Variants in RFC1 observed in about 807,000 individuals in gnomAD.
RFC1 encodes replication factor C subunit 1.
RFC1 carries 37 observed loss-of-function variants against 137.4 expected under a neutral mutation model. The ratio of observed to expected loss-of-function variants is 0.27; its 90% CI spans 0.21 to 0.35. The LOEUF is 0.35. Ranked by LOEUF, RFC1 falls within the 10% of genes least tolerant of loss-of-function variation. The pLI is 1.00. For missense variants in RFC1, 1,205 were observed against 1,358.5 expected (o/e 0.89, Z 1.78); for synonymous variants, 429 against 455.7 (o/e 0.94, Z 0.75).
intron 1 of RFC1, among the ~76,000 whole-genome samples, chr4:39,357,587 T>C (rs1211398817): frequency 6.6e-6 from 1 of 152,072 alleles, no homozygotes; most frequent in Non-Finnish European, 1.5e-5. Context: ...TGTACTCCGA[T>C]TATGGTTTTT....
chr4:39,290,398 T>C (rs1737607543), intron 23 of RFC1, among the ~76,000 whole-genome samples: 1 of 150,932 alleles, frequency 6.6e-6, no homozygotes, highest in Non-Finnish European at 1.5e-5. Context: ...CGTATATATA[T>C]ATTTGGGAAC....
Position 39,312,826 on chromosome 4 carries a change from C to A in RFC1, c.1309G>T (p.Val437Leu). The A allele has an allele frequency of 6.2e-7, 1 of 1,614,128 alleles. No individual in the cohort carries two copies. The highest frequency in any genetic ancestry group is 1.6e-4 in the Middle Eastern group (1 of 6,062). The change falls in exon 11 of 25, where the codon GTA (valine) becomes TTA (leucine). Residue 437 changes from valine to leucine, a missense_variant. Around this residue, in one of 3 missense-constraint regions of RFC1, gnomAD observed 962 missense variants for 1,035.3 expected, o/e 0.93. Coordinates refer to ENST00000349703, the MANE Select transcript of RFC1 (RefSeq NM_002913.5). ...GTTTTCTTGCTGACATTTCCTGTTA[C>A]TTTTCCCCCATAACGTTCAATTAGA... ...KSLIERYGGKVTGNVSKKTNY... is the reference protein window; with the variant it reads ...KSLIERYGGKLTGNVSKKTNY...
chr4:39,321,254 G>C, intron 8 of RFC1, 33 bp downstream of exon 8: 1 of 1,482,776 alleles, frequency 6.7e-7, no homozygotes, highest in South Asian at 1.2e-5. Context: ...ATGAAGACAA[G>C]TGCTCCATCT....
At chr4:39,343,445 T>C (rs1481429757) in intron 3 of RFC1, among the ~76,000 whole-genome samples, 1 of 152,242 alleles carries the variant, frequency 6.6e-6, no homozygotes, top group African/African-American at 2.4e-5. Flanking sequence ...GGATATCTTT[T>C]GGGGGCATTA....
At position 39,309,021 on chromosome 4, in the gene RFC1, C is replaced by T. The variant is rs771501189; in HGVS notation, c.1500G>A (p.Glu500=). 2.2e-5 allele frequency: 35 copies of T among 1,594,648 alleles called. No individual in the cohort carries two copies. Among genetic ancestry groups the T allele is most frequent in the Non-Finnish European group, 3.0e-5 (35 of 1,175,102 alleles). ...TTTGGGGTGTTCTCTCCAGTTTGGA[C>T]TCTTTCTTCATCTTAAGAAGTGGAA... ...EIAVETEMKK[E]SKLERTPQKN... is the part of the protein sequence containing the mutation. The change falls in exon 13 of 25, where the codon GAG becomes GAA. Residue 500 remains glutamate (E), a synonymous_variant. Transcript: ENST00000349703.
At chr4:39,358,320 T>A (rs1741584671) in intron 1 of RFC1, among the ~76,000 whole-genome samples, 1 of 152,066 alleles carries the variant, frequency 6.6e-6, no homozygotes, top group South Asian at 2.1e-4. Context: ...TACAACATAA[T>A]AAAATAACTG....
At chr4:39,362,196 T>C (rs1210853716) in intron 1 of RFC1, among the ~76,000 whole-genome samples, 1 of 152,238 alleles carries the variant, frequency 6.6e-6, no homozygotes. Context: ...CCCACATTCA[T>C]GGATCGGAAG....
At position 39,302,638 on chromosome 4, in the gene RFC1, T is replaced by C. The variant is rs2066783; in HGVS notation, c.2341-43A>G. 1,273 of 1,488,378 alleles carry C rather than the reference T, an allele frequency of 8.6e-4. 12 individuals carry two copies. In the African/African-American group the frequency reaches 0.016, roughly 19 times the overall value. The allele number at this position is 1,488,378 out of a possible 1,614,324, so 92.2% of individuals were successfully genotyped here. ...GGAGTCCTCAATGATTTTTAACTCA[T>C]ATAATCAGGTATTTTAAAAATATTT... On this transcript the variant is annotated intron_variant, in intron 17 of 24. Coordinates refer to ENST00000349703, the MANE Select transcript of RFC1 (RefSeq NM_002913.5).
chr4:39,343,490 TAA>T (rs1370129026), intron 3 of RFC1, among the ~76,000 whole-genome samples: 1 of 152,156 alleles, frequency 6.6e-6, no homozygotes, highest in Non-Finnish European at 1.5e-5. Context: ...CCAGGGCACT[TAA>T]ATATAAATCA....
intron 4 of RFC1, among the ~76,000 whole-genome samples, chr4:39,334,555 T>C (rs1740261864): frequency 6.6e-6 from 1 of 152,146 alleles, no homozygotes; most frequent in Non-Finnish European, 1.5e-5. Context: ...AATAAAGTTG[T>C]AGTTGTTCTT....
At chr4:39,355,822 T>G (rs562062501) in intron 1 of RFC1, 41 of 148,396 alleles carry the variant, frequency 2.8e-4, no homozygotes, top group African/African-American at 1.0e-3. Context: ...GCCGACATGG[T>G]GAAACCCCAT....
chr4:39,359,942 C>T (rs1741669096), intron 1 of RFC1, among the ~76,000 whole-genome samples: 1 of 151,742 alleles, frequency 6.6e-6, no homozygotes, highest in Non-Finnish European at 1.5e-5. Flanking sequence ...GATGGGTGCA[C>T]CAAAATCTCA....
chr4:39,299,095 A>G lies in RFC1; in HGVS notation c.2808+926T>C, dbSNP rs534996079. 1.1e-4 allele frequency among the ~76,000 whole-genome samples: 16 copies of G among 152,372 alleles called. No individual in the cohort carries two copies. The South Asian group carries it at 2.5e-3, about 24-fold the overall frequency. Reference sequence around the variant, plus strand: ...CCAGGGCAGAAAACCGCTTAAAGGCATTCTTAAACCACAAACAATAGCATG... The same window carrying G: ...CCAGGGCAGAAAACCGCTTAAAGGCGTTCTTAAACCACAAACAATAGCATG... On this transcript the variant is annotated intron_variant, in intron 21 of 24. Coordinates refer to ENST00000349703, the MANE Select transcript of RFC1 (RefSeq NM_002913.5).
intron 1 of RFC1, chr4:39,365,313 C>G: frequency 4.6e-6 from 1 of 217,222 alleles, no homozygotes; most frequent in Non-Finnish European, 6.3e-6. Flanking sequence ...AAAATTTTCA[C>G]CGCCCCCCCC....
chr4:39,364,946 A>G (rs562483221), intron 1 of RFC1, among the ~76,000 whole-genome samples: 2 of 152,044 alleles, frequency 1.3e-5, no homozygotes, highest in Admixed American at 1.3e-4. Context: ...CATCTTCAAG[A>G]CTCCAAGTCT....
At chr4:39,364,097 A>AG (rs1379147902) in intron 1 of RFC1, among the ~76,000 whole-genome samples, 1 of 150,782 alleles carries the variant, frequency 6.6e-6, no homozygotes, top group African/African-American at 2.4e-5. Flanking sequence ...AAAAAAAAAA[A>AG]AAAAAGAAGA....
chr4:39,351,281 A>ATTAAAAT, intron 2 of RFC1, 67 bp downstream of exon 2: 1 of 547,980 alleles, frequency 1.8e-6, no homozygotes, highest in Non-Finnish European at 2.7e-6. Context: ...AAAAAAAAAA[A>ATTAAAAT]AAAACTTATA....
rs151074715 is a variant in RFC1, at chr4:39,346,224, C to G, written c.133-748G>C. On this transcript the variant is annotated intron_variant, in intron 2 of 24. Coordinates refer to ENST00000349703, the MANE Select transcript of RFC1 (RefSeq NM_002913.5). ...AGGCTCAGTGGCTCACGCCTGTAAT[C>G]CCAACACTTTGGGAGGCCGAGGCGG... Among the ~76,000 whole-genome samples, 8 of 152,310 alleles carry G rather than the reference C, an allele frequency of 5.3e-5. No homozygotes were observed. The East Asian group carries it at 1.5e-3, about 29-fold the overall frequency.
Position 39,327,538 on chromosome 4 carries a change from T to G in RFC1, c.550A>C (p.Ser184Arg), listed in dbSNP as rs1346833260. The G allele has an allele frequency of 6.2e-7, 1 of 1,609,334 alleles. No individual in the cohort carries two copies. The highest frequency in any genetic ancestry group is 1.3e-5 in the African/African-American group (1 of 74,512). The change falls in exon 5 of 25, where the codon AGC (serine) becomes CGC (arginine). Residue 184 changes from serine (S) to arginine (R), a missense_variant. By Grantham distance (110) the Ser-to-Arg change is moderately radical. Coordinates refer to ENST00000349703, the MANE Select transcript of RFC1 (RefSeq NM_002913.5). Reference sequence around the variant, plus strand: ...AGAACACTTACCTCTTTTCTTTTGCTTGCCACCATCTTCTTATTAGATCTT... The same window carrying G: ...AGAACACTTACCTCTTTTCTTTTGCGTGCCACCATCTTCTTATTAGATCTT... ...VQRSNKKMVASKRKELSQNTD... is the reference protein window; with the variant it reads ...VQRSNKKMVARKRKELSQNTD...
Sources: allele counts gnomAD v4.1 joint callset (sites outside exome capture counted in the v4.1 genomes callset), GRCh38; gene constraint gnomAD v4.1.1; regional missense constraint gnomAD v4.1.1; transcripts MANE v1.5; gene names NCBI Gene and HGNC (gene_info 2026-07-23, HGNC 2026-07-21).